FNDC3A: variants seen among roughly 807,000 people sequenced by gnomAD.
FNDC3A encodes fibronectin type-III domain-containing protein 3A.
A neutral mutation model predicts 148.9 loss-of-function variants in FNDC3A; 32 were observed. That is an observed-to-expected ratio of 0.21 (90% CI 0.16 to 0.29). The LOEUF (loss-of-function observed/expected upper bound fraction) is 0.29. Ranked by LOEUF, FNDC3A falls within the 10% of genes least tolerant of loss-of-function variation. FNDC3A has a pLI of 1.00. For synonymous variants in FNDC3A, 472 were observed against 473.6 expected, an observed-to-expected ratio of 1.00 and a Z score of 0.04; for missense variants, 1,191 against 1,452.8, an observed-to-expected ratio of 0.82 and a Z score of 2.93.
chr13:49,192,030 T>C (rs1160619854), intron 19 of FNDC3A, among the ~76,000 whole-genome samples: 1 of 152,150 alleles, frequency 6.6e-6, no homozygotes, highest in Non-Finnish European at 1.5e-5. Context: ...AAACCTTAGT[T>C]TGTCAGACTC....
chr13:49,161,748 G>C (rs969021310), intron 8 of FNDC3A, among the ~76,000 whole-genome samples: 2 of 152,164 alleles, frequency 1.3e-5, no homozygotes, highest in Non-Finnish European at 2.9e-5. Flanking sequence ...GGTACTGATG[G>C]TTCCTTTCCA....
At chr13:49,046,705 CAT>C (rs2137700902) in intron 2 of FNDC3A, 1 of 152,710 alleles carries the variant, frequency 6.5e-6, no homozygotes, top group East Asian at 1.9e-4. Flanking sequence ...TCTTGTATAA[CAT>C]GAGTGATTCA....
chr13:49,088,570 G>A (rs774753069), intron 3 of FNDC3A, among the ~76,000 whole-genome samples: 9 of 152,174 alleles, frequency 5.9e-5, no homozygotes, highest in Non-Finnish European at 1.2e-4. Flanking sequence ...CTTGACCTCA[G>A]TGTATTATTT....
chr13:49,168,592 CTATT>C lies in FNDC3A; in HGVS notation c.1038-15_1038-12del, dbSNP rs1282034153. On this transcript the variant is annotated splice_polypyrimidine_tract_variant and intron_variant, in intron 9 of 25. Transcript: ENST00000492622. The stretch of plus-strand genomic sequence containing the variant: ...GATACAGTGATTATGAAAGGTAAAA[CTATT>C]TATTTTATCACCATAGAGTCCAGGC... 3 of 1,583,948 alleles carry C rather than the reference CTATT, an allele frequency of 1.9e-6. No individual in the cohort carries two copies. Among genetic ancestry groups the C allele is most frequent in the Admixed American group, 1.7e-5 (1 of 58,592 alleles).
At chr13:49,135,723 G>A (rs1882317682) in intron 5 of FNDC3A, among the ~76,000 whole-genome samples, 1 of 152,118 alleles carries the variant, frequency 6.6e-6, no homozygotes, top group Admixed American at 6.5e-5. Context: ...TGAGCATAAT[G>A]ACTTAATTAT....
Position 48,993,555 on chromosome 13 carries a change from T to C in FNDC3A, c.-39-12597T>C, listed in dbSNP as rs145018986. 2.6e-4 allele frequency among the ~76,000 whole-genome samples: 40 copies of C among 152,312 alleles called. No homozygotes were observed. In the East Asian group the frequency reaches 6.7e-3, roughly 26 times the overall value. On this transcript the variant is annotated intron_variant, in intron 1 of 25. Coordinates refer to ENST00000492622, the MANE Select transcript of FNDC3A (RefSeq NM_001079673.2). Reference sequence around the variant, plus strand: ...TGGTAAAAGGAATTTGACAAAAAAATTTTTAATGAAGATGTGTACATTTTA... The same window carrying C: ...TGGTAAAAGGAATTTGACAAAAAAACTTTTAATGAAGATGTGTACATTTTA...
At chr13:49,098,889 T>C (rs1879692524) in intron 3 of FNDC3A, among the ~76,000 whole-genome samples, 1 of 152,174 alleles carries the variant, frequency 6.6e-6, no homozygotes. Flanking sequence ...TAAGCATGAA[T>C]AATGACCTTG....
chr13:49,041,347 A>G (rs529002080), intron 2 of FNDC3A, among the ~76,000 whole-genome samples: 7 of 152,162 alleles, frequency 4.6e-5, no homozygotes, highest in Non-Finnish European at 8.8e-5. Context: ...CTGCCATACC[A>G]TGAAGGCGGT....
chr13:48,976,328 C>T lies in FNDC3A; in HGVS notation c.-40+151C>T, dbSNP rs1411221166. 2.6e-5 allele frequency among the ~76,000 whole-genome samples: 4 copies of T among 152,286 alleles called. No individual in the cohort carries two copies. In the East Asian group the frequency reaches 7.8e-4, roughly 30 times the overall value. The stretch of plus-strand genomic sequence containing the variant: ...GCTCGGCCCCGTCGAGGGGCGCGGA[C>T]CACCCCCTTCTGTGGGCGCGCTGTG... On this transcript the variant is annotated intron_variant, in intron 1 of 25. Coordinates refer to ENST00000492622, the MANE Select transcript of FNDC3A (RefSeq NM_001079673.2).
intron 3 of FNDC3A, among the ~76,000 whole-genome samples, chr13:49,077,625 C>T (rs1401169873): frequency 2.0e-5 from 3 of 152,078 alleles, no homozygotes; most frequent in African/African-American, 4.8e-5. Flanking sequence ...CCAGGGCCTG[C>T]GACAGGCCCC....
At chr13:49,029,793 C>G (rs1873975829) in intron 2 of FNDC3A, among the ~76,000 whole-genome samples, 1 of 152,076 alleles carries the variant, frequency 6.6e-6, no homozygotes, top group Non-Finnish European at 1.5e-5. Context: ...TACTACAGAT[C>G]TTACAGAAAT....
chr13:49,010,420 A>G lies in FNDC3A; in HGVS notation c.99+4131A>G, dbSNP rs76811474. ...ATCTGTAAGAATTGGCTATCCCTAC[A>G]AGGGGCCATCTCTCCCCAGCAAGTG... On this transcript the variant is annotated intron_variant, in intron 2 of 25. Transcript: ENST00000492622. Among the ~76,000 whole-genome samples the G allele has an allele frequency of 4.3e-3, 662 of 152,258 alleles. 10 individuals carry two copies. The East Asian group carries it at 0.044, about 10-fold the overall frequency.
chr13:49,126,552 A>C (rs1278288450), intron 4 of FNDC3A, among the ~76,000 whole-genome samples: 1 of 152,186 alleles, frequency 6.6e-6, no homozygotes, highest in Non-Finnish European at 1.5e-5. Context: ...TTTATTTTTA[A>C]TCAAATAAAT....
chr13:49,022,318 C>G (rs1268592077), intron 2 of FNDC3A, among the ~76,000 whole-genome samples: 1 of 152,020 alleles, frequency 6.6e-6, no homozygotes, highest in East Asian at 1.9e-4. Flanking sequence ...AACCTAAAAA[C>G]AAAGCTCTAC....
At chr13:49,039,715 T>G (rs1264367927) in intron 2 of FNDC3A, among the ~76,000 whole-genome samples, 2 of 152,184 alleles carry the variant, frequency 1.3e-5, no homozygotes, top group Non-Finnish European at 1.5e-5. Flanking sequence ...TTTTGTTTTT[T>G]GTTTTTTGTT....
intron 2 of FNDC3A, among the ~76,000 whole-genome samples, chr13:49,059,651 T>C (rs1876514798): frequency 6.6e-6 from 1 of 152,134 alleles, no homozygotes; most frequent in Admixed American, 6.5e-5. Context: ...AGACAGGGTT[T>C]CACCATGTTA....
chr13:49,001,793 C>T (rs1000730638), intron 1 of FNDC3A, among the ~76,000 whole-genome samples: 1 of 152,306 alleles, frequency 6.6e-6, no homozygotes, highest in Admixed American at 6.5e-5. Flanking sequence ...TTATCAATGA[C>T]AGTGCGTGCC....
chr13:49,199,106 T>C (rs1176866051), intron 23 of FNDC3A, among the ~76,000 whole-genome samples: 1 of 152,118 alleles, frequency 6.6e-6, no homozygotes, highest in Non-Finnish European at 1.5e-5. Flanking sequence ...TTGCAACCTC[T>C]GCCTCCAGGG....
chr13:49,021,619 A>G (rs554942228), intron 2 of FNDC3A, among the ~76,000 whole-genome samples: 56 of 152,234 alleles, frequency 3.7e-4, no homozygotes, highest in African/African-American at 1.3e-3. Context: ...AAATGACACA[A>G]AGCTCACTGT....
Sources: allele counts gnomAD v4.1 joint callset (sites outside exome capture counted in the v4.1 genomes callset), GRCh38; gene constraint gnomAD v4.1.1; transcripts MANE v1.5; gene names NCBI Gene and HGNC (gene_info 2026-07-23, HGNC 2026-07-21).